The following BTN3A3 variants were observed in gnomAD, a reference collection of about 807,000 sequenced individuals.
BTN3A3 encodes butyrophilin subfamily 3 member A3, also known as butyrophilin 3.
A neutral mutation model predicts 43.2 loss-of-function variants in BTN3A3; 39 were observed. The ratio of observed to expected loss-of-function variants is 0.90; its 90% CI spans 0.70 to 1.18. The LOEUF (loss-of-function observed/expected upper bound fraction) is 1.18. Among genes scored for constraint, BTN3A3 ranks in the 50% most tolerant of loss-of-function variants. The probability of loss-of-function intolerance (pLI) is 0.00; values close to 1 mark genes in which losing one functional copy is unlikely to be tolerated. For missense variants in BTN3A3, 631 were observed against 722.8 expected, an observed-to-expected ratio of 0.87 and a Z score of 1.46; for synonymous variants, 255 against 272.7, an observed-to-expected ratio of 0.93 and a Z score of 0.64.
chr6:26,449,799 C>G, intron 9 of BTN3A3, 111 bp downstream of exon 9: 1 of 1,365,444 alleles, frequency 7.3e-7, no homozygotes, highest in East Asian at 2.3e-5. Flanking sequence ...CAGATCTAAC[C>G]CTTAGACTCA....
chr6:26,445,411 T>G, intron 4 of BTN3A3: 1 of 366,158 alleles, frequency 2.7e-6, no homozygotes, highest in Non-Finnish European at 5.0e-6. Flanking sequence ...TTGCTGAAGG[T>G]CACAAGTCAA....
chr6:26,442,926 A>G (rs1430995349), intron 1 of BTN3A3, among the ~76,000 whole-genome samples: 5 of 152,262 alleles, frequency 3.3e-5, no homozygotes, highest in African/African-American at 1.2e-4. Flanking sequence ...ACACTAATAT[A>G]GTAGGCCTCA....
At position 26,452,128 on chromosome 6, in the gene BTN3A3, T is replaced by C. The variant is rs542205022; in HGVS notation, c.1472T>C (p.Phe491Ser). 27 of 1,614,132 alleles carry C rather than the reference T, an allele frequency of 1.7e-5. No individual in the cohort carries two copies. Among genetic ancestry groups the C allele is most frequent in the East Asian group, 1.3e-4 (6 of 44,886 alleles). ...ATCTACACCTTTCCGCACGCCTCTTTCTCTGAGCCTCTATATCCTGTTTTC... is the reference window on the plus strand; with the variant it reads ...ATCTACACCTTTCCGCACGCCTCTTCCTCTGAGCCTCTATATCCTGTTTTC... ...SHIYTFPHAS[F>S]SEPLYPVFRI... The change falls in exon 11 of 11, where the codon TTC becomes TCC. Residue 491 changes from phenylalanine to serine, a missense_variant. Transcript: ENST00000244519.
At position 26,451,571 on chromosome 6, in the gene BTN3A3, G is replaced by T. The variant is rs1020282160; in HGVS notation, c.1019-104G>T. On this transcript the variant is annotated intron_variant, in intron 10 of 10. Transcript: ENST00000244519. ...ATTTAGAGCAGGCTAGGGACGCCAG[G>T]TTCTGGAAGGACCTCCTTAGCATGG... 4.0e-6 allele frequency: 6 copies of T among 1,504,008 alleles called. No individual in the cohort carries two copies. In the East Asian group the frequency reaches 1.4e-4, roughly 34 times the overall value. 93.2% of individuals were successfully genotyped at this position (1,504,008 alleles called of 1,614,324 possible). A position where few individuals can be genotyped will look rare whatever the true frequency, so the allele number is the denominator to read the frequency against.
At chr6:26,445,428 A>G in intron 4 of BTN3A3, 1 of 421,388 alleles carries the variant, frequency 2.4e-6, no homozygotes, top group Non-Finnish European at 4.3e-6. Context: ...TCAACTCAAG[A>G]AAGTCCTCAA....
rs1390077205 is a variant in BTN3A3 at position 26,451,772 on chromosome 6, A to G, written c.1116A>G (p.Pro372=). The part of the protein sequence containing the change: ...VQRAEEPRDL[P]DNPERFEWRY... The stretch of plus-strand genomic sequence containing the variant: ...GTGCTGAAGAGCCGCGGGATCTGCC[A>G]GACAACCCTGAGAGATTTGAATGGC... The change falls in exon 11 of 11, where the codon CCA becomes CCG. Residue 372 remains proline (P), a synonymous_variant. Transcript: ENST00000244519. 1.2e-6 allele frequency: 2 copies of G among 1,614,104 alleles called. No individual in the cohort carries two copies. Among genetic ancestry groups the G allele is most frequent in the East Asian group, 2.2e-5 (1 of 44,882 alleles).
chr6:26,449,380 C>G, intron 8 of BTN3A3: 1 of 446,498 alleles, frequency 2.2e-6, no homozygotes, highest in Non-Finnish European at 4.0e-6. Flanking sequence ...ATGGTGACAC[C>G]TATGCCCAGG....
At chr6:26,444,404 A>C (rs1762719637) in intron 4 of BTN3A3, 100 bp downstream of exon 4, 1 of 1,577,800 alleles carries the variant, frequency 6.3e-7, no homozygotes, top group African/African-American at 1.4e-5. Context: ...CTGGCTGCTC[A>C]CTAGCAATTG....
chr6:26,448,156 C>T (rs939647085), intron 5 of BTN3A3, 92 bp from the exon 6 acceptor site: 31 of 1,432,578 alleles, frequency 2.2e-5, no homozygotes, highest in Non-Finnish European at 2.8e-5. Flanking sequence ...TTCCATGCCC[C>T]CAACCTGGGC....
At chr6:26,447,356 A>G (rs1762806882) in intron 5 of BTN3A3, among the ~76,000 whole-genome samples, 1 of 152,192 alleles carries the variant, frequency 6.6e-6, no homozygotes, top group African/African-American at 2.4e-5. Flanking sequence ...CTCACTGTAC[A>G]TCAAGTACTT....
At chr6:26,443,905 C>T (rs372971212) in intron 3 of BTN3A3, 52 bp from the exon 4 acceptor site, 32 of 1,613,726 alleles carry the variant, frequency 2.0e-5, no homozygotes, top group African/African-American at 8.0e-5. Flanking sequence ...CCCTTCCTCT[C>T]GTGACCCCAA....
At position 26,452,459 on chromosome 6, in the gene BTN3A3, C is replaced by A; in HGVS notation, c.*48C>A. On this transcript the variant is annotated 3_prime_UTR_variant, in exon 11 of 11. Transcript: ENST00000244519. ...GACAGTTGTTTTGAGTTTCGTACCACCTTATTGTCCCCTTATACAGATAAG... is the reference window on the plus strand; with the variant it reads ...GACAGTTGTTTTGAGTTTCGTACCAACTTATTGTCCCCTTATACAGATAAG... 1 of 1,476,966 alleles carries A rather than the reference C, an allele frequency of 6.8e-7. No individual in the cohort carries two copies. The highest frequency in any genetic ancestry group is 9.1e-7 in the Non-Finnish European group (1 of 1,103,818). The allele number at this position is 1,476,966 out of a possible 1,614,324, so 91.5% of individuals were successfully genotyped here. A position where few individuals can be genotyped will look rare whatever the true frequency, so the allele number is the denominator to read the frequency against.
At position 26,448,270 on chromosome 6, in the gene BTN3A3, G is replaced by A. The variant is rs775127231; in HGVS notation, c.738G>A (p.Gln246=). The change falls in exon 6 of 11, where the codon CAG becomes CAA. Residue 246 remains glutamine, a synonymous_variant. Transcript: ENST00000244519. ...SIADPFFRSA[Q]PWIAALAGTL... ...CAGACCCCTTCTTCAGGAGCGCCCAGCCCTGGATCGCGGCCCTGGCAGGGA... is the reference window on the plus strand; with the variant it reads ...CAGACCCCTTCTTCAGGAGCGCCCAACCCTGGATCGCGGCCCTGGCAGGGA... 8 of 1,613,528 alleles carry A rather than the reference G, an allele frequency of 5.0e-6. No individual in the cohort carries two copies.
At chr6:26,446,374 A>C (rs1762778423) in intron 5 of BTN3A3, among the ~76,000 whole-genome samples, 1 of 152,250 alleles carries the variant, frequency 6.6e-6, no homozygotes, top group South Asian at 2.1e-4. Context: ...TGAGTAAAAA[A>C]TATTAACAAA....
chr6:26,449,706 T>A lies in BTN3A3; in HGVS notation c.991+18T>A. ...CTATCATGGTGAGTGAGCCTGATGC[T>A]CTCTGGGTTTGCTGGGTCATGTACA... On this transcript the variant is annotated intron_variant, in intron 9 of 10. Coordinates refer to ENST00000244519, the MANE Select transcript of BTN3A3 (RefSeq NM_006994.5). 1 of 1,614,060 alleles carries A rather than the reference T, an allele frequency of 6.2e-7. No individual in the cohort carries two copies. Among genetic ancestry groups the A allele is most frequent in the Non-Finnish European group, 8.5e-7 (1 of 1,179,882 alleles).
intron 4 of BTN3A3, chr6:26,444,571 A>G: frequency 1.7e-6 from 1 of 603,622 alleles, no homozygotes; most frequent in Non-Finnish European, 2.9e-6. Flanking sequence ...CGGATAGGAA[A>G]CATTAGAAAT....
In BTN3A3 at chr6:26,452,677, G is replaced by A; in HGVS notation, c.*266G>A. The stretch of plus-strand genomic sequence containing the variant: ...CCTGTCGGGTAGTCATATTTTGCAA[G>A]TATGGAAGCTGAGGCAGGGCAACAT... On this transcript the variant is annotated 3_prime_UTR_variant, in exon 11 of 11. Coordinates refer to ENST00000244519, the MANE Select transcript of BTN3A3 (RefSeq NM_006994.5). 1 of 399,916 alleles carries A rather than the reference G, an allele frequency of 2.5e-6. No homozygotes were observed. 24.8% of individuals were successfully genotyped at this position (399,916 alleles called of 1,614,324 possible). A position where few individuals can be genotyped will look rare whatever the true frequency, so the allele number is the denominator to read the frequency against.
At chr6:26,442,558 A>G (rs7768108) in intron 1 of BTN3A3, among the ~76,000 whole-genome samples, 18,662 of 152,216 alleles carry the variant, frequency 0.12, 1,197 homozygotes, top group South Asian at 0.16. Flanking sequence ...ATCTAGGTTC[A>G]TGACAATAAA....
At chr6:26,444,427 C>T in intron 4 of BTN3A3, 123 bp downstream of exon 4, 1 of 1,466,002 alleles carries the variant, frequency 6.8e-7, no homozygotes, top group Non-Finnish European at 9.4e-7. Context: ...TGCACTGCCT[C>T]CCAACTTAGC....
Sources: allele counts gnomAD v4.1 joint callset (sites outside exome capture counted in the v4.1 genomes callset), GRCh38; gene constraint gnomAD v4.1.1; transcripts MANE v1.5; gene names NCBI Gene and HGNC (gene_info 2026-07-23, HGNC 2026-07-21).